The following KCNH7 variants were observed in gnomAD, a reference collection of about 807,000 sequenced individuals.
KCNH7 encodes voltage-gated inwardly rectifying potassium channel KCNH7.
In KCNH7, 49 loss-of-function variants were observed where a neutral mutation model predicts 120.8. The observed-to-expected ratio is 0.41, with a 90% CI of 0.32 to 0.51. KCNH7 has a LOEUF of 0.51. Among genes scored for constraint, KCNH7 ranks in the 20% least tolerant of loss-of-function variants. The probability of loss-of-function intolerance (pLI) is 0.38; values close to 1 mark genes in which losing one functional copy is unlikely to be tolerated. For synonymous variants in KCNH7, 547 were observed against 516.1 expected (o/e 1.06, Z -0.81); for missense variants, 1,097 against 1,446.6 (o/e 0.76, Z 3.92).
At chr2:162,836,869 G>T in intron 1 of KCNH7, 102 bp from the exon 2 acceptor site, 2 of 754,610 alleles carry the variant, frequency 2.7e-6, no homozygotes, top group African/African-American at 1.8e-5. Context: ...AAATGCAGGT[G>T]CCTCCCCAAA....
At chr2:162,715,159 T>C (rs894792520) in intron 2 of KCNH7, among the ~76,000 whole-genome samples, 3 of 152,164 alleles carry the variant, frequency 2.0e-5, no homozygotes, top group Non-Finnish European at 2.9e-5. Context: ...AGAGGCTTAA[T>C]TGGCTGATGG....
chr2:162,606,784 A>G (rs1682788035), intron 2 of KCNH7, among the ~76,000 whole-genome samples: 1 of 152,204 alleles, frequency 6.6e-6, no homozygotes, highest in African/African-American at 2.4e-5. Flanking sequence ...AAAGTTATAT[A>G]TTTTGATTCA....
At chr2:162,569,663 A>G (rs1693392385) in intron 2 of KCNH7, among the ~76,000 whole-genome samples, 1 of 151,494 alleles carries the variant, frequency 6.6e-6, no homozygotes. Flanking sequence ...TCTTGTGGGC[A>G]TTTAGTGCTA....
chr2:162,798,076 T>C (rs1684207886), intron 2 of KCNH7: 1 of 152,066 alleles, frequency 6.6e-6, no homozygotes, highest in Non-Finnish European at 1.5e-5. Flanking sequence ...TAAATATACA[T>C]TTATCTGCTT....
intron 2 of KCNH7, among the ~76,000 whole-genome samples, chr2:162,737,103 T>C (rs1687942140): frequency 6.6e-6 from 1 of 152,128 alleles, no homozygotes; most frequent in Admixed American, 6.5e-5. Flanking sequence ...AAGAGGATCA[T>C]GTGTACAACT....
chr2:162,681,376 G>A (rs1685704729), intron 2 of KCNH7, among the ~76,000 whole-genome samples: 1 of 151,774 alleles, frequency 6.6e-6, no homozygotes, highest in Non-Finnish European at 1.5e-5. Flanking sequence ...CAAGGGAAAT[G>A]TCAGGGCTTA....
chr2:162,481,119 G>T (rs1238166040), intron 6 of KCNH7, among the ~76,000 whole-genome samples: 1 of 152,040 alleles, frequency 6.6e-6, no homozygotes. Flanking sequence ...TTTATTACCA[G>T]TATAAATTTT....
intron 6 of KCNH7, among the ~76,000 whole-genome samples, chr2:162,453,774 G>A (rs1046568660): frequency 6.6e-6 from 1 of 151,954 alleles, no homozygotes. Context: ...TTGAGAATGT[G>A]TGTTCATATC....
chr2:162,623,567 G>A (rs1683437633), intron 2 of KCNH7, among the ~76,000 whole-genome samples: 1 of 152,196 alleles, frequency 6.6e-6, no homozygotes, highest in African/African-American at 2.4e-5. Flanking sequence ...CTCTTAAGGT[G>A]TTTTAGTGCA....
intron 2 of KCNH7, among the ~76,000 whole-genome samples, chr2:162,568,234 C>T (rs1352594613): frequency 6.6e-6 from 1 of 152,018 alleles, no homozygotes; most frequent in Non-Finnish European, 1.5e-5. Flanking sequence ...ATTCAATTAG[C>T]TCCCCCAGGG....
chr2:162,450,306 G>A (rs1688725427), intron 6 of KCNH7, among the ~76,000 whole-genome samples: 1 of 152,016 alleles, frequency 6.6e-6, no homozygotes, highest in Admixed American at 6.6e-5. Context: ...TACGCCCATT[G>A]ACACAGAACC....
At chr2:162,730,500 A>T (rs1419368064) in intron 2 of KCNH7, among the ~76,000 whole-genome samples, 1 of 152,008 alleles carries the variant, frequency 6.6e-6, no homozygotes, top group Non-Finnish European at 1.5e-5. Flanking sequence ...ATAAATTTCT[A>T]TATTGACATT....
At chr2:162,544,090 G>A (rs758092884) in intron 2 of KCNH7, among the ~76,000 whole-genome samples, 1 of 152,080 alleles carries the variant, frequency 6.6e-6, no homozygotes, top group East Asian at 1.9e-4. Context: ...CTTTTATCAT[G>A]TAATAGGTAA....
intron 6 of KCNH7, among the ~76,000 whole-genome samples, chr2:162,458,803 G>A (rs1484964111): frequency 2.0e-5 from 3 of 151,888 alleles, no homozygotes; most frequent in African/African-American, 7.3e-5. Context: ...CAGTTAGAAG[G>A]TCTGAGCCTG....
intron 2 of KCNH7, among the ~76,000 whole-genome samples, chr2:162,583,793 GGC>G (rs1233808389): frequency 6.6e-6 from 1 of 152,016 alleles, no homozygotes; most frequent in Non-Finnish European, 1.5e-5. Context: ...GTAAGAATAG[GGC>G]ACTAATGTCT....
At chr2:162,817,348 TG>T (rs1429793421) in intron 2 of KCNH7, among the ~76,000 whole-genome samples, 1 of 152,180 alleles carries the variant, frequency 6.6e-6, no homozygotes, top group East Asian at 1.9e-4. Flanking sequence ...TGGCATTTTT[TG>T]CTCAACATGT....
chr2:162,713,323 T>G (rs1331774472), intron 2 of KCNH7, among the ~76,000 whole-genome samples: 1 of 152,216 alleles, frequency 6.6e-6, no homozygotes, highest in Non-Finnish European at 1.5e-5. Context: ...AACTGCTGTT[T>G]GAGCCACAAA....
Position 162,394,422 on chromosome 2 carries a change from T to C in KCNH7, c.2677A>G (p.Arg893Gly), listed in dbSNP as rs1392161636. Residue 893 changes from arginine to glycine, a missense_variant, in exon 12 of 16, where the codon AGG becomes GGG. By Grantham distance (125) the Arg-to-Gly change is moderately radical. Around this residue, in one of 8 missense-constraint regions of KCNH7, gnomAD observed 406 missense variants for 410.5 expected, o/e 0.99. Coordinates refer to ENST00000332142, the MANE Select transcript of KCNH7 (RefSeq NM_033272.4). ...SEGDNCKLRR[R>G]KLSFESEGEK... ...CCTTCACTTTCAAATGACAATTTCC[T>C]TCTTCTTAGTTTACAGTTGTCTCCT... 6.2e-7 allele frequency: 1 copy of C among 1,603,350 alleles called. No homozygotes were observed. Among genetic ancestry groups the C allele is most frequent in the East Asian group, 2.2e-5 (1 of 44,638 alleles).
chr2:162,478,532 A>G (rs1232673138), intron 6 of KCNH7, among the ~76,000 whole-genome samples: 2 of 152,152 alleles, frequency 1.3e-5, no homozygotes, highest in Admixed American at 6.6e-5. Flanking sequence ...TTGTTTGTCT[A>G]TAATCTTATA....
Sources: allele counts gnomAD v4.1 joint callset (sites outside exome capture counted in the v4.1 genomes callset), GRCh38; gene constraint gnomAD v4.1.1; regional missense constraint gnomAD v4.1.1; transcripts MANE v1.5; gene names NCBI Gene and HGNC (gene_info 2026-07-23, HGNC 2026-07-21).